The following BRD7 variants were observed in gnomAD, a reference collection of about 807,000 sequenced individuals.
The protein encoded by BRD7 is bromodomain containing 7.
A neutral mutation model predicts 82.1 loss-of-function variants in BRD7; 15 were observed. That is an observed-to-expected ratio of 0.18 (90% CI 0.12 to 0.28). The LOEUF (loss-of-function observed/expected upper bound fraction) is 0.28, where lower values mean the gene tolerates loss of function less well. BRD7 is among the 10% of genes least tolerant of loss of function. BRD7 has a pLI of 1.00. For missense variants in BRD7, 638 were observed against 779.9 expected (o/e 0.82, Z 2.17); for synonymous variants, 232 against 266.9 (o/e 0.87, Z 1.27).
intron 4 of BRD7, 110 bp from the exon 5 acceptor site, chr16:50,350,277 A>G (rs1206948976): frequency 4.2e-6 from 3 of 714,602 alleles, no homozygotes; most frequent in Non-Finnish European, 6.1e-6. Context: ...AGAATTTGTA[A>G]TATGTTAACA....
rs184095559 is a variant in BRD7, at chr16:50,339,757, G to A, written c.702+219C>T. On this transcript the variant is annotated intron_variant, in intron 6 of 16. Coordinates refer to ENST00000394688, the MANE Select transcript of BRD7 (RefSeq NM_013263.5). Reference sequence around the variant, plus strand: ...TCTTAAGAGATAATTACAAGTGAATGCCAATATTTATTTGTATTGATTCCA... The same window carrying A: ...TCTTAAGAGATAATTACAAGTGAATACCAATATTTATTTGTATTGATTCCA... Among the ~76,000 whole-genome samples, 444 of 152,182 alleles carry A rather than the reference G, an allele frequency of 2.9e-3. 3 individuals are homozygous for A. The highest frequency in any genetic ancestry group is 5.0e-3 in the African/African-American group (207 of 41,540).
At chr16:50,362,515 C>T (rs1376585984) in intron 2 of BRD7, among the ~76,000 whole-genome samples, 1 of 147,830 alleles carries the variant, frequency 6.8e-6, no homozygotes, top group Non-Finnish European at 1.5e-5. Flanking sequence ...TTCCTCGCAG[C>T]ATTATTCATA....
At chr16:50,325,661 G>A (rs1199280772) in intron 11 of BRD7, 87 bp downstream of exon 11, 9 of 1,252,110 alleles carry the variant, frequency 7.2e-6, no homozygotes, top group Non-Finnish European at 8.5e-6. Context: ...TTTACTACTC[G>A]GCCAGCTTTG....
Position 50,326,303 on chromosome 16 carries a change from T to C in BRD7, c.1176A>G (p.Lys392=), listed in dbSNP as rs927581333. 4 of 1,612,966 alleles carry C rather than the reference T, an allele frequency of 2.5e-6. No individual in the cohort carries two copies. The African/African-American group carries it at 5.3e-5, about 22-fold the overall frequency. Residue 392 remains lysine, a synonymous_variant, in exon 10 of 17, where the codon AAA becomes AAG. Transcript: ENST00000394688. ...VNTLQGFKED[K]RNKVTPVLYL... ...CCTCACCTGGAGTGACTTTGTTCCT[T>C]TTATCCTCTTTGAACCCCTGCAAAG...
intron 5 of BRD7, among the ~76,000 whole-genome samples, chr16:50,341,928 TCACACACACACACACA>T (rs375793137): frequency 1.1e-4 from 16 of 143,658 alleles, no homozygotes; most frequent in East Asian, 4.2e-4. Flanking sequence ...TGCACACTTT[TCACACACACACACACA>T]CACACACACA....
At chr16:50,357,617 C>T (rs777581006) in intron 2 of BRD7, among the ~76,000 whole-genome samples, 1 of 151,960 alleles carries the variant, frequency 6.6e-6, no homozygotes, top group Non-Finnish European at 1.5e-5. Context: ...ATGCATTCTC[C>T]CAGGTAGAAA....
intron 1 of BRD7, 157 bp downstream of exon 1, chr16:50,368,569 G>A: frequency 1.3e-6 from 1 of 771,486 alleles, no homozygotes; most frequent in South Asian, 2.6e-5. Flanking sequence ...CGGCCGCACG[G>A]GGGGCAGCGC....
chr16:50,352,944 G>A (rs562906767), intron 4 of BRD7, among the ~76,000 whole-genome samples: 297 of 152,154 alleles, frequency 2.0e-3, no homozygotes, highest in African/African-American at 6.6e-3. Context: ...CTTGTAAATT[G>A]CAATGGAATA....
In BRD7 at chr16:50,364,109, A is replaced by G. The variant is rs2039046914; in HGVS notation, c.258+3981T>C. On this transcript the variant is annotated intron_variant, in intron 2 of 16. Coordinates refer to ENST00000394688, the MANE Select transcript of BRD7 (RefSeq NM_013263.5). The stretch of plus-strand genomic sequence containing the variant: ...GACAACATTTTCCGGTCTCCCTATC[A>G]GCTAAGGTGACTGTGTGATTAGGTT... 4.6e-5 allele frequency among the ~76,000 whole-genome samples: 7 copies of G among 151,984 alleles called. No homozygotes were observed. The South Asian group carries it at 1.5e-3, about 32-fold the overall frequency.
rs138073880 is a variant in BRD7, at chr16:50,366,232, T to A, written c.258+1858A>T. Reference sequence around the variant, plus strand: ...CCCCGTGTATGCTTTCTTAGGACGTTCCTAGAGTTAAGAGTCCACCAGAAC... The same window carrying A: ...CCCCGTGTATGCTTTCTTAGGACGTACCTAGAGTTAAGAGTCCACCAGAAC... On this transcript the variant is annotated intron_variant, in intron 2 of 16. Transcript: ENST00000394688. Among the ~76,000 whole-genome samples the A allele has an allele frequency of 2.9e-3, 436 of 152,272 alleles. 3 individuals carry two copies. Among genetic ancestry groups the A allele is most frequent in the African/African-American group, 0.01 (417 of 41,554 alleles).
chr16:50,360,094 C>T (rs182864492), intron 2 of BRD7, among the ~76,000 whole-genome samples: 33 of 152,282 alleles, frequency 2.2e-4, no homozygotes, highest in African/African-American at 7.5e-4. Context: ...TAACACTCAC[C>T]GAACCACATT....
At chr16:50,328,031 C>T (rs1375320153) in intron 9 of BRD7, among the ~76,000 whole-genome samples, 1 of 152,162 alleles carries the variant, frequency 6.6e-6, no homozygotes, top group East Asian at 1.9e-4. Context: ...AATAAATTAA[C>T]ATTCTCACAT....
intron 8 of BRD7, among the ~76,000 whole-genome samples, chr16:50,332,247 GACTA>G (rs1188316593): frequency 3.8e-5 from 4 of 105,280 alleles, no homozygotes; most frequent in African/African-American, 1.9e-4. Context: ...TCCAATAAAG[GACTA>G]ACTACGCATC....
chr16:50,349,521 G>C (rs1476994196), intron 5 of BRD7: 6 of 468,458 alleles, frequency 1.3e-5, no homozygotes, highest in Non-Finnish European at 1.8e-5. Flanking sequence ...CAGTACGATT[G>C]TAAGTTTCCT....
In BRD7 at chr16:50,324,138, C is replaced by A. The variant is rs529469371; in HGVS notation, c.1332-440G>T. Among the ~76,000 whole-genome samples, 8 of 152,148 alleles carry A rather than the reference C, an allele frequency of 5.3e-5. No homozygotes were observed. In the East Asian group the frequency reaches 1.4e-3, roughly 26 times the overall value. On this transcript the variant is annotated intron_variant, in intron 11 of 16. Coordinates refer to ENST00000394688, the MANE Select transcript of BRD7 (RefSeq NM_013263.5). ...AAAATTGAAATGCTAGATCTTCCCC[C>A]CAAGTAATGTTCCAAAGCTTCCCCC...
In BRD7 at chr16:50,322,241, T is replaced by G. The variant is rs374539865; in HGVS notation, c.1444-203A>C. On this transcript the variant is annotated intron_variant, in intron 12 of 16. Transcript: ENST00000394688. ...TGTGAGCTGGGGTACTTATTACTGG[T>G]GATGTTATTTCCATGCCTGATCAAA... Among the ~76,000 whole-genome samples, 52 of 152,350 alleles carry G rather than the reference T, an allele frequency of 3.4e-4. 1 individual carries two copies. The South Asian group carries it at 0.011, about 31-fold the overall frequency.
Position 50,319,861 on chromosome 16 carries a change from T to C in BRD7, c.1900+26A>G, listed in dbSNP as rs202130286. 650 of 1,605,984 alleles carry C rather than the reference T, an allele frequency of 4.0e-4. 2 individuals carry two copies. Among genetic ancestry groups the C allele is most frequent in the Non-Finnish European group, 5.3e-4 (621 of 1,177,380 alleles). On this transcript the variant is annotated intron_variant, in intron 16 of 16. Coordinates refer to ENST00000394688, the MANE Select transcript of BRD7 (RefSeq NM_013263.5). The stretch of plus-strand genomic sequence containing the variant: ...GACTATAGTCACCATAGCTTTCTGC[T>C]TTCCCAGAGAAAACAGGGCACGTAC...
chr16:50,363,402 T>C (rs924679980), intron 2 of BRD7, among the ~76,000 whole-genome samples: 7 of 152,236 alleles, frequency 4.6e-5, no homozygotes, highest in Non-Finnish European at 7.3e-5. Flanking sequence ...AGCATCAGAA[T>C]GTTTAAGGAA....
rs2037728587 is a variant in BRD7, at chr16:50,334,825, T to A, written c.773A>T (p.Asp258Val). The A allele has an allele frequency of 6.2e-7, 1 of 1,614,190 alleles. No homozygotes were observed. Among genetic ancestry groups the A allele is most frequent in the South Asian group, 1.1e-5 (1 of 91,082 alleles). Residue 258 changes from aspartate (D) to valine (V), a missense_variant, in exon 7 of 17, where the codon GAT becomes GTT. Asp to Val is a radical substitution (Grantham distance 152). This residue lies in a region of BRD7 where 402 missense variants were observed against 500.8 expected (regional missense o/e 0.80). Coordinates refer to ENST00000394688, the MANE Select transcript of BRD7 (RefSeq NM_013263.5). ...CCCACTCTGTGAGGTGTCTGTTCCA[T>A]CTTTCTGCTTTCGAGTTTTCTGCAA... ...ADLQKTRKQK[D>V]GTDTSQSGED... is the part of the protein sequence containing the mutation.
Sources: allele counts gnomAD v4.1 joint callset (sites outside exome capture counted in the v4.1 genomes callset), GRCh38; gene constraint gnomAD v4.1.1; regional missense constraint gnomAD v4.1.1; transcripts MANE v1.5; gene names NCBI Gene and HGNC (gene_info 2026-07-23, HGNC 2026-07-21).